Variants in CORO2B observed in about 807,000 individuals in gnomAD.
The protein encoded by CORO2B is coronin-2B.
A neutral mutation model predicts 58.8 loss-of-function variants in CORO2B; 26 were observed. The ratio of observed to expected loss-of-function variants is 0.44; its 90% CI spans 0.32 to 0.61. The LOEUF is 0.61. CORO2B is among the 20% of genes least tolerant of loss of function. The pLI, the probability that CORO2B is intolerant of heterozygous loss-of-function variation, is 0.04. For missense variants in CORO2B, 460 were observed against 645.1 expected (o/e 0.71, Z 3.11); for synonymous variants, 242 against 253.8 (o/e 0.95, Z 0.44).
intron 3 of CORO2B, among the ~76,000 whole-genome samples, chr15:68,701,744 G>C (rs368740754): frequency 6.6e-6 from 1 of 151,872 alleles, no homozygotes; most frequent in African/African-American, 2.4e-5. Context: ...TCGGCCTCCC[G>C]AAGTGCTGGG....
intron 1 of CORO2B, among the ~76,000 whole-genome samples, chr15:68,595,105 A>G (rs1036257810): frequency 6.6e-6 from 1 of 152,236 alleles, no homozygotes; most frequent in African/African-American, 2.4e-5. Context: ...GCATTGTACC[A>G]TGCAAAGTCC....
intron 1 of CORO2B, among the ~76,000 whole-genome samples, chr15:68,627,541 C>T (rs1054027335): frequency 6.6e-6 from 1 of 152,072 alleles, no homozygotes; most frequent in African/African-American, 2.4e-5. Flanking sequence ...GAGGTAACCA[C>T]GTGCCTGGGA....
intron 1 of CORO2B, among the ~76,000 whole-genome samples, chr15:68,605,713 T>G (rs1900096643): frequency 9.6e-6 from 1 of 104,426 alleles, no homozygotes; most frequent in East Asian, 2.4e-4. Flanking sequence ...GCTCTTGGGT[T>G]TTTTTTTTTT....
chr15:68,575,725 G>A (rs1171560093), upstream of CORO2B, among the ~76,000 whole-genome samples: 1 of 151,946 alleles, frequency 6.6e-6, no homozygotes, highest in African/African-American at 2.4e-5. Context: ...CCACTCCTGT[G>A]ATCACCTTCC....
At chr15:68,693,236 T>C (rs1892428217) in intron 2 of CORO2B, among the ~76,000 whole-genome samples, 1 of 152,158 alleles carries the variant, frequency 6.6e-6, no homozygotes, top group African/African-American at 2.4e-5. Flanking sequence ...TTGCAAAAGA[T>C]CAAACGATCT....
At chr15:68,554,063 G>A in the CORO2B span, among the ~76,000 whole-genome samples, 3 of 152,318 alleles carry the variant, frequency 2.0e-5, no homozygotes, top group Admixed American at 1.3e-4. Context: ...GCACAGCACA[G>A]CAGAGACAGG....
At chr15:68,596,149 C>T (rs1008510621) in intron 1 of CORO2B, among the ~76,000 whole-genome samples, 10 of 152,074 alleles carry the variant, frequency 6.6e-5, no homozygotes, top group South Asian at 2.1e-4. Context: ...TAAAGAGATG[C>T]GACGAAGTCA....
At chr15:68,680,797 C>T (rs576172388) in intron 2 of CORO2B, among the ~76,000 whole-genome samples, 5 of 152,184 alleles carry the variant, frequency 3.3e-5, no homozygotes, top group East Asian at 1.9e-4. Context: ...ACCTGTACTT[C>T]GTAAGGTTAT....
At chr15:68,533,297 T>A in the CORO2B span, among the ~76,000 whole-genome samples, 1 of 152,242 alleles carries the variant, frequency 6.6e-6, no homozygotes, top group Non-Finnish European at 1.5e-5. Flanking sequence ...AAGGTAAGTG[T>A]GGATTCTGTT....
intron 1 of CORO2B, among the ~76,000 whole-genome samples, chr15:68,619,046 C>G (rs1444814376): frequency 6.6e-6 from 1 of 152,158 alleles, no homozygotes; most frequent in Non-Finnish European, 1.5e-5. Context: ...TCTCCCTAGT[C>G]AGGTCAGCAG....
At chr15:68,623,722 G>A (rs1015341939) in intron 1 of CORO2B, among the ~76,000 whole-genome samples, 1 of 152,208 alleles carries the variant, frequency 6.6e-6, no homozygotes, top group African/African-American at 2.4e-5. Flanking sequence ...GGGTGGGAGG[G>A]CAGGCAGGGC....
At chr15:68,559,788 G>A in the CORO2B span, among the ~76,000 whole-genome samples, 894 of 152,310 alleles carry the variant, frequency 5.9e-3, 9 homozygotes, top group Admixed American at 0.021. This position sits in a 1 kb window ranked among gnomAD's most constrained non-coding sequence, Gnocchi z 4.3. Context: ...CAGGGGGCGC[G>A]GCCCGCATCC....
intron 1 of CORO2B, among the ~76,000 whole-genome samples, chr15:68,629,396 C>T (rs1485177824): frequency 6.6e-6 from 1 of 152,216 alleles, no homozygotes; most frequent in Non-Finnish European, 1.5e-5. Flanking sequence ...GAAGAGGCGC[C>T]TTTCTCTATT....
chr15:68,658,904 A>G (rs1051196688), intron 2 of CORO2B, among the ~76,000 whole-genome samples: 1 of 152,238 alleles, frequency 6.6e-6, no homozygotes, highest in African/African-American at 2.4e-5. Context: ...CCCCAGGCAC[A>G]GGCGGCTTTG....
chr15:68,615,858 G>C (rs1227084433), intron 1 of CORO2B, among the ~76,000 whole-genome samples: 1 of 152,168 alleles, frequency 6.6e-6, no homozygotes, highest in African/African-American at 2.4e-5. Flanking sequence ...ATGGTATTTT[G>C]CTACAGAAGC....
At chr15:68,671,415 C>T (rs1272683066) in intron 2 of CORO2B, among the ~76,000 whole-genome samples, 1 of 152,216 alleles carries the variant, frequency 6.6e-6, no homozygotes, top group Non-Finnish European at 1.5e-5. Context: ...GGCTTACCTG[C>T]CTCAGTTTCC....
At chr15:68,575,579 C>CCCCCCCCCT (rs1386866538), upstream of CORO2B, among the ~76,000 whole-genome samples, 1 of 85,330 alleles carries the variant, frequency 1.2e-5, no homozygotes, top group African/African-American at 3.4e-5. Flanking sequence ...TGTGATCTGC[C>CCCCCCCCCT]CCCGCCTCGG....
chr15:68,670,405 C>A (rs1345222467), intron 2 of CORO2B, among the ~76,000 whole-genome samples: 2 of 151,946 alleles, frequency 1.3e-5, no homozygotes, highest in Admixed American at 6.5e-5. Context: ...CTCTTGAAAT[C>A]CTGGGCTCAA....
the CORO2B span, among the ~76,000 whole-genome samples, chr15:68,569,980 T>C: frequency 6.6e-6 from 1 of 152,106 alleles, no homozygotes; most frequent in Admixed American, 6.5e-5. Flanking sequence ...CATTGGTCAG[T>C]GGGGTCTGTG....
Sources: gnomAD v4.1 joint callset for allele counts (sites outside exome capture counted in the v4.1 genomes callset) on GRCh38, gnomAD v4.1.1 for gene constraint, Gnocchi (gnomAD v3.1) non-coding constraint, MANE v1.5 for transcripts, NCBI Gene and HGNC (gene_info 2026-07-23, HGNC 2026-07-21) for gene names.